EXOG: variants seen among roughly 807,000 people sequenced by gnomAD.
The protein encoded by EXOG is exo/endonuclease G.
In EXOG, 27 loss-of-function variants were observed where a neutral mutation model predicts 25.8. The ratio of observed to expected loss-of-function variants is 1.05; its 90% CI spans 0.77 to 1.45. The LOEUF is 1.45. Ranked by LOEUF, EXOG falls within the 40% of genes most tolerant of loss-of-function variation. EXOG has a pLI of 0.00. For missense variants in EXOG, 458 were observed against 450.5 expected (o/e 1.02, Z -0.15); for synonymous variants, 133 against 167.0 (o/e 0.80, Z 1.57).
At position 38,524,380 on chromosome 3, in the gene EXOG, G is replaced by A. The variant is rs1166198372; in HGVS notation, c.*18G>A. 6.3e-7 allele frequency: 1 copy of A among 1,576,188 alleles called. No individual in the cohort carries two copies. Among genetic ancestry groups the A allele is most frequent in the Non-Finnish European group, 8.6e-7 (1 of 1,164,514 alleles). ...CATCCTAGTTTTTATCTCAAGATGTGTCATACCGTCTGTAATGAAGCAGGC... is the reference window on the plus strand; with the variant it reads ...CATCCTAGTTTTTATCTCAAGATGTATCATACCGTCTGTAATGAAGCAGGC... On this transcript the variant is annotated 3_prime_UTR_variant, in exon 6 of 6. Transcript: ENST00000287675.
intron 5 of EXOG, among the ~76,000 whole-genome samples, chr3:38,512,677 G>A (rs961911941): frequency 2.0e-5 from 3 of 152,096 alleles, no homozygotes; most frequent in Non-Finnish European, 4.4e-5. Context: ...TTACATTTAT[G>A]TTTGCTAACG....
chr3:38,499,784 TA>T, intron 2 of EXOG: 1 of 395,008 alleles, frequency 2.5e-6, no homozygotes, highest in Non-Finnish European at 4.9e-6. Context: ...GTATATCTTT[TA>T]AAAAATGGCT....
intron 3 of EXOG, among the ~76,000 whole-genome samples, chr3:38,502,436 G>A (rs1432572248): frequency 1.3e-5 from 2 of 152,032 alleles, no homozygotes; most frequent in Non-Finnish European, 2.9e-5. Flanking sequence ...GAAATTTATA[G>A]AAAAGGTGAA....
intron 4 of EXOG, 115 bp downstream of exon 4, chr3:38,503,806 C>G: frequency 1.6e-6 from 1 of 613,924 alleles, no homozygotes; most frequent in Non-Finnish European, 2.8e-6. Context: ...AGCTAAGCCT[C>G]TGAAGGTAAG....
At position 38,497,739 on chromosome 3, in the gene EXOG, A is replaced by G; in HGVS notation, c.274A>G (p.Arg92Gly). The G allele has an allele frequency of 6.2e-7, 1 of 1,607,170 alleles. No homozygotes were observed. The highest frequency in any genetic ancestry group is 8.5e-7 in the Non-Finnish European group (1 of 1,178,490). Residue 92 changes from arginine (R) to glycine (G), a missense_variant, in exon 2 of 6, where the codon AGA becomes GGA. This residue lies in a region of EXOG where 275 missense variants were observed against 230.5 expected (regional missense o/e 1.19). Coordinates refer to ENST00000287675, the MANE Select transcript of EXOG (RefSeq NM_005107.4). ...TTATGATCAGGCAAAGCGGGTGCCT[A>G]GATGGGTTCTTGAACATATTTCCAA... Reference protein sequence around the residue: ...LSYDQAKRVPRWVLEHISKSK... With the variant: ...LSYDQAKRVPGWVLEHISKSK...
chr3:38,524,357 T>C lies in EXOG; in HGVS notation c.1102T>C (p.Ser368Pro). The change falls in exon 6 of 6, where the codon TCC becomes CCC. Residue 368 changes from serine (S) to proline (P), a missense_variant. Coordinates refer to ENST00000287675, the MANE Select transcript of EXOG (RefSeq NM_005107.4). ...GTCAGGAACCCAGATAAGAAAGCCATCCTAGTTTTTATCTCAAGATGTGTC... is the reference window on the plus strand; with the variant it reads ...GTCAGGAACCCAGATAAGAAAGCCACCCTAGTTTTTATCTCAAGATGTGTC... ...EQSGTQIRKP[S>P] 2.5e-6 allele frequency: 4 copies of C among 1,597,392 alleles called. No individual in the cohort carries two copies. The highest frequency in any genetic ancestry group is 3.4e-6 in the Non-Finnish European group (4 of 1,173,688).
intron 5 of EXOG, chr3:38,523,455 C>T (rs1226355138): frequency 5.9e-6 from 2 of 336,752 alleles, no homozygotes; most frequent in Non-Finnish European, 8.4e-6. Flanking sequence ...CCTCTGCCTC[C>T]TGGGTTCAAG....
intron 2 of EXOG, among the ~76,000 whole-genome samples, chr3:38,498,552 C>T (rs1011881829): frequency 6.8e-6 from 1 of 148,024 alleles, no homozygotes; most frequent in African/African-American, 2.5e-5. Flanking sequence ...GAGAATGTGT[C>T]TCAAAAAAAA....
At chr3:38,522,153 G>A (rs971604520) in intron 5 of EXOG, among the ~76,000 whole-genome samples, 2 of 152,178 alleles carry the variant, frequency 1.3e-5, no homozygotes, top group African/African-American at 4.8e-5. Context: ...TCCCGTGCAC[G>A]GGTCTTCCCT....
Position 38,526,244 on chromosome 3 carries a change from GT to G in EXOG, c.*1883del. The G allele has an allele frequency of 1.0e-6, 1 of 985,152 alleles. No homozygotes were observed. Among genetic ancestry groups the G allele is most frequent in the African/African-American group, 1.7e-5 (1 of 57,358 alleles). The allele number at this position is 985,152 out of a possible 1,614,324, so 61.0% of individuals were successfully genotyped here. ...GAGTGGTATTACAAGAAAGATTTTTGTGGTGTGTTTGTTCTAAGAGAAATGC... is the reference window on the plus strand; with the variant it reads ...GAGTGGTATTACAAGAAAGATTTTTGGGTGTGTTTGTTCTAAGAGAAATGC... On this transcript the variant is annotated 3_prime_UTR_variant, in exon 6 of 6. Transcript: ENST00000287675.
At chr3:38,505,235 G>A (rs9838792) in intron 4 of EXOG, among the ~76,000 whole-genome samples, 67,943 of 151,128 alleles carry the variant, frequency 0.45, 15,699 homozygotes, top group East Asian at 0.57. Flanking sequence ...TGGTTGATAT[G>A]TCTCTTTAGT....
At chr3:38,496,661 C>G in intron 1 of EXOG, 131 bp downstream of exon 1, 1 of 1,460,040 alleles carries the variant, frequency 6.8e-7, no homozygotes, top group Non-Finnish European at 9.0e-7. Flanking sequence ...CCCTTGGTTT[C>G]TGACCTTTAT....
chr3:38,518,680 GT>G (rs551634456), intron 5 of EXOG, among the ~76,000 whole-genome samples: 20 of 152,302 alleles, frequency 1.3e-4, no homozygotes, highest in African/African-American at 4.6e-4. Flanking sequence ...GCATATATGT[GT>G]TTTTACTTTG....
rs183805380 is a variant in EXOG at position 38,507,231 on chromosome 3, T to C, written c.645+263T>C. 3.3e-5 allele frequency among the ~76,000 whole-genome samples: 5 copies of C among 152,326 alleles called. No individual in the cohort carries two copies. The East Asian group carries it at 9.6e-4, about 29-fold the overall frequency. On this transcript the variant is annotated intron_variant, in intron 5 of 5. Coordinates refer to ENST00000287675, the MANE Select transcript of EXOG (RefSeq NM_005107.4). ...ATGTTAACAATTAATTACATTAAAGTGTGACATGCTGTAATAGAGGTAAAC... is the reference window on the plus strand; with the variant it reads ...ATGTTAACAATTAATTACATTAAAGCGTGACATGCTGTAATAGAGGTAAAC...
In EXOG at chr3:38,524,935, AT is replaced by A; in HGVS notation, c.*578del. ...GCCTTCTCAGAACTCAATGTTGTACATTTTTCCCTCTAGGACCTGAATTGGT... is the reference window on the plus strand; with the variant it reads ...GCCTTCTCAGAACTCAATGTTGTACATTTTCCCTCTAGGACCTGAATTGGT... On this transcript the variant is annotated 3_prime_UTR_variant, in exon 6 of 6. Coordinates refer to ENST00000287675, the MANE Select transcript of EXOG (RefSeq NM_005107.4). 1 of 985,418 alleles carries A rather than the reference AT, an allele frequency of 1.0e-6. No homozygotes were observed. Among genetic ancestry groups the A allele is most frequent in the Non-Finnish European group, 1.2e-6 (1 of 830,016 alleles). 61.0% of individuals were successfully genotyped at this position (985,418 alleles called of 1,614,324 possible). A position where few individuals can be genotyped will look rare whatever the true frequency, so the allele number is the denominator to read the frequency against.
At chr3:38,522,923 T>C (rs1041518395) in intron 5 of EXOG, among the ~76,000 whole-genome samples, 2 of 152,256 alleles carry the variant, frequency 1.3e-5, no homozygotes, top group African/African-American at 2.4e-5. Flanking sequence ...GGCTTCTTCA[T>C]TGTGTGGATA....
At position 38,506,123 on chromosome 3, in the gene EXOG, T is replaced by G. The variant is rs568758425; in HGVS notation, c.531-731T>G. Among the ~76,000 whole-genome samples the G allele has an allele frequency of 3.5e-4, 53 of 151,584 alleles. No homozygotes were observed. The South Asian group carries it at 0.01, about 29-fold the overall frequency. ...GGCAGAGGTTGCAGTGAGCTGAGAT[T>G]GCACCATTGCACTGCAGCCTGGGTG... is the stretch of plus-strand genomic sequence containing the variant. On this transcript the variant is annotated intron_variant, in intron 4 of 5. Transcript: ENST00000287675.
intron 5 of EXOG, among the ~76,000 whole-genome samples, chr3:38,510,012 A>G (rs1207357227): frequency 6.6e-6 from 1 of 152,204 alleles, no homozygotes; most frequent in African/African-American, 2.4e-5. Context: ...CTCCTCATAC[A>G]TTATTTATTA....
rs763581214 is a variant in EXOG at position 38,524,032 on chromosome 3, G to A, written c.777G>A (p.Gln259=). The change falls in exon 6 of 6, where the codon CAG becomes CAA. Residue 259 remains glutamine (Q), a synonymous_variant. Transcript: ENST00000287675. ...FVVPNEAIGF[Q]PQLTEFQVSL... ...TACCCAATGAAGCCATCGGCTTCCA[G>A]CCCCAGTTAACTGAATTCCAAGTGA... is the stretch of plus-strand genomic sequence containing the variant. The A allele has an allele frequency of 6.2e-7, 1 of 1,614,164 alleles. No homozygotes were observed. Among genetic ancestry groups the A allele is most frequent in the Non-Finnish European group, 8.5e-7 (1 of 1,180,010 alleles).
Sources: allele counts gnomAD v4.1 joint callset (sites outside exome capture counted in the v4.1 genomes callset), GRCh38; gene constraint gnomAD v4.1.1; regional missense constraint gnomAD v4.1.1; transcripts MANE v1.5; gene names NCBI Gene and HGNC (gene_info 2026-07-23, HGNC 2026-07-21).